The following VPS13D variants were observed in gnomAD, a reference collection of about 807,000 sequenced individuals.
The protein encoded by VPS13D is intermembrane lipid transfer protein VPS13D.
Under a neutral mutation model 461.9 loss-of-function variants are expected in VPS13D, and 187 were observed. That is an observed-to-expected ratio of 0.40 (90% CI 0.36 to 0.46). The LOEUF is 0.46. VPS13D is among the 20% of genes least tolerant of loss of function. VPS13D has a pLI of 0.60. For synonymous variants in VPS13D, 1,951 were observed against 1,986.3 expected (o/e 0.98, Z 0.47); for missense variants, 4,711 against 5,364.9 (o/e 0.88, Z 3.81).
intron 30 of VPS13D, among the ~76,000 whole-genome samples, chr1:12,314,664 C>CTT (rs901580499): frequency 6.6e-6 from 1 of 152,122 alleles, no homozygotes; most frequent in African/African-American, 2.4e-5. Context: ...AGTAAAAAGA[C>CTT]TTTTGGTCTT....
chr1:12,368,400 G>T, intron 52 of VPS13D, 68 bp from the exon 53 acceptor site: 2 of 1,517,566 alleles, frequency 1.3e-6, no homozygotes, highest in South Asian at 2.6e-5. Flanking sequence ...TCAGAAATAT[G>T]AGAAGTAAGT....
rs766446722 is a variant in VPS13D at position 12,258,011 on chromosome 1, G to T, written c.1018G>T (p.Asp340Tyr). 15 of 1,614,046 alleles carry T rather than the reference G, an allele frequency of 9.3e-6. No homozygotes were observed. The East Asian group carries it at 1.6e-4, about 17-fold the overall frequency. ...AGAGCAGAGGAAACGTTGCACCTGG[G>T]ACTTTATGTTGCACCGCGCTCGTGA... ...IREQRKRCTW[D>Y]FMLHRARDAV... is the part of the protein sequence containing the mutation. Residue 340 changes from aspartate to tyrosine, a missense_variant, in exon 10 of 70, where the codon GAC (aspartate) becomes TAC (tyrosine). Around this residue, in one of 3 missense-constraint regions of VPS13D, gnomAD observed 4,411 missense variants for 4,937.8 expected, o/e 0.89. Transcript: ENST00000620676.
chr1:12,241,580 C>T (rs949797676), intron 2 of VPS13D, among the ~76,000 whole-genome samples: 5 of 152,204 alleles, frequency 3.3e-5, no homozygotes, highest in Non-Finnish European at 5.9e-5. Flanking sequence ...GAATGGCTTG[C>T]ATAGCCGGGA....
chr1:12,367,371 C>T (rs2101623017), intron 52 of VPS13D, among the ~76,000 whole-genome samples: 1 of 152,244 alleles, frequency 6.6e-6, no homozygotes, highest in African/African-American at 2.4e-5. Flanking sequence ...AGTTGTTCTT[C>T]ACCTGGTTAA....
chr1:12,369,004 A>G (rs542582961), intron 53 of VPS13D, among the ~76,000 whole-genome samples: 6 of 152,282 alleles, frequency 3.9e-5, no homozygotes, highest in Middle Eastern at 3.4e-3. Context: ...AAATCATTAG[A>G]TTTTATTTTA....
intron 67 of VPS13D, among the ~76,000 whole-genome samples, chr1:12,471,835 G>A (rs1358682882): frequency 6.6e-6 from 1 of 151,720 alleles, no homozygotes; most frequent in East Asian, 1.9e-4. Flanking sequence ...TTTTCTATAT[G>A]CACATTCGTA....
At chr1:12,286,892 G>C (rs1641989910) in intron 21 of VPS13D, among the ~76,000 whole-genome samples, 1 of 152,110 alleles carries the variant, frequency 6.6e-6, no homozygotes, top group Admixed American at 6.6e-5. Context: ...ACAGGGTCTT[G>C]CCCTATCACC....
chr1:12,436,871 T>G (rs1026918883), intron 65 of VPS13D, among the ~76,000 whole-genome samples: 1 of 152,188 alleles, frequency 6.6e-6, no homozygotes, highest in Admixed American at 6.5e-5. Context: ...TTTCTCCATG[T>G]TGGTCAGGCT....
intron 37 of VPS13D, 82 bp from the exon 38 acceptor site, chr1:12,333,144 T>C: frequency 6.6e-7 from 1 of 1,506,678 alleles, no homozygotes; most frequent in South Asian, 1.3e-5. Context: ...GAGTTTGTCC[T>C]TGCTGAACAT....
At chr1:12,393,872 C>T (rs1453090464) in intron 60 of VPS13D, among the ~76,000 whole-genome samples, 2 of 152,106 alleles carry the variant, frequency 1.3e-5, no homozygotes, top group African/African-American at 4.8e-5. Flanking sequence ...TCTGGGGACC[C>T]ACTGGACCCA....
intron 62 of VPS13D, 121 bp from the exon 63 acceptor site, chr1:12,403,704 C>G (rs566804502): frequency 2.0e-5 from 19 of 928,998 alleles, no homozygotes; most frequent in Admixed American, 3.2e-5. Context: ...CAAACTAAAT[C>G]GAGAGTGATA....
intron 26 of VPS13D, among the ~76,000 whole-genome samples, chr1:12,304,985 G>A (rs1302680786): frequency 6.6e-6 from 1 of 152,134 alleles, no homozygotes; most frequent in African/African-American, 2.4e-5. Flanking sequence ...AGCCTATTAG[G>A]ACTTTTTTCT....
rs1381559228 is a variant in VPS13D, at chr1:12,273,019, G to C, written c.2120G>C (p.Trp707Ser). Residue 707 changes from tryptophan to serine, a missense_variant, in exon 18 of 70, where the codon TGG becomes TCG. By Grantham distance (177) the Trp-to-Ser change is radical. Transcript: ENST00000620676. ...TTTGTACAGGAGGAGAGTAAACGAT[G>C]GACCGTGCGGCTGGATATTTCTGCC... is the stretch of plus-strand genomic sequence containing the variant. ...VGDFIEESKR[W>S]TVRLDISAPQ... The C allele has an allele frequency of 6.2e-7, 1 of 1,613,960 alleles. No homozygotes were observed. The highest frequency in any genetic ancestry group is 2.2e-5 in the East Asian group (1 of 44,882).
Position 12,358,476 on chromosome 1 carries a change from G to A in VPS13D, c.10016G>A (p.Gly3339Glu). 6.2e-7 allele frequency: 1 copy of A among 1,614,178 alleles called. No homozygotes were observed. The highest frequency in any genetic ancestry group is 8.5e-7 in the Non-Finnish European group (1 of 1,180,038). The change falls in exon 50 of 70, where the codon GGA becomes GAA. Residue 3339 changes from glycine to glutamate, a missense_variant. Coordinates refer to ENST00000620676, the MANE Select transcript of VPS13D (RefSeq NM_015378.4). ...CCCCACAGCTGCACGATGAGAATCG[G>A]AAGGGGGATTCATCCAGAAGGCATG... is the stretch of plus-strand genomic sequence containing the variant. ...EQPNLCTMRI[G>E]RGIHPEGMPG... is the part of the protein sequence containing the mutation.
At chr1:12,259,758 A>G (rs1641045220) in intron 10 of VPS13D, among the ~76,000 whole-genome samples, 1 of 152,226 alleles carries the variant, frequency 6.6e-6, no homozygotes, top group Non-Finnish European at 1.5e-5. Context: ...CTTTTAAAAA[A>G]TGTAGCTGGG....
rs1325525231 is a variant in VPS13D at position 12,416,653 on chromosome 1, T to G, written c.12166-7T>G. Reference sequence around the variant, plus strand: ...TTGGACTTTTCTCTTCCTGTTCCATTTGGCAGGAACTCCTCAGCCAGGCAG... The same window carrying G: ...TTGGACTTTTCTCTTCCTGTTCCATGTGGCAGGAACTCCTCAGCCAGGCAG... On this transcript the variant is annotated splice_region_variant and splice_polypyrimidine_tract_variant and intron_variant, in intron 64 of 69. Transcript: ENST00000620676. 1 of 1,610,982 alleles carries G rather than the reference T, an allele frequency of 6.2e-7. No individual in the cohort carries two copies. Among genetic ancestry groups the G allele is most frequent in the East Asian group, 2.2e-5 (1 of 44,860 alleles).
intron 10 of VPS13D, 129 bp downstream of exon 10, chr1:12,258,232 GAGTTGGTCTT>G (rs1640982032): frequency 8.4e-7 from 1 of 1,195,470 alleles, no homozygotes; most frequent in Non-Finnish European, 1.2e-6. Context: ...TTATAGGATA[GAGTTGGTCTT>G]AGTAGAGTGA....
rs1323660817 is a variant in VPS13D at position 12,338,221 on chromosome 1, T to G, written c.8552-10T>G. 17 of 1,612,082 alleles carry G rather than the reference T, an allele frequency of 1.1e-5. No individual in the cohort carries two copies. The highest frequency in any genetic ancestry group is 1.4e-5 in the Non-Finnish European group (17 of 1,178,510). On this transcript the variant is annotated splice_polypyrimidine_tract_variant and intron_variant, in intron 39 of 69. Transcript: ENST00000620676. Reference sequence around the variant, plus strand: ...TCTTAGCCTCTAACTTTGTCTCTCCTGTCTACCAGGCCTCCCCCTTGTCTA... The same window carrying G: ...TCTTAGCCTCTAACTTTGTCTCTCCGGTCTACCAGGCCTCCCCCTTGTCTA...
Position 12,283,080 on chromosome 1 carries a change from C to T in VPS13D, c.4978C>T (p.Gln1660Ter). Residue 1660 changes from glutamine to a stop codon, truncating the protein, a stop_gained, in exon 21 of 70, where the codon CAG (glutamine) becomes TAG (stop). Coordinates refer to ENST00000620676, the MANE Select transcript of VPS13D (RefSeq NM_015378.4). LOFTEE classifies it high-confidence loss of function. ...GGTGGAATTCAGTAAAGACCATCCC[C>T]AGACTTTATCTATTCAGATTGCCCT... ...FEVEFSKDHP[Q>*]TLSIQIALHS... The T allele has an allele frequency of 6.2e-7, 1 of 1,614,186 alleles. No homozygotes were observed. Among genetic ancestry groups the T allele is most frequent in the Non-Finnish European group, 8.5e-7 (1 of 1,180,014 alleles).
Sources: gnomAD v4.1 joint callset for allele counts (sites outside exome capture counted in the v4.1 genomes callset) on GRCh38, gnomAD v4.1.1 for gene constraint, gnomAD v4.1.1 regional missense constraint, MANE v1.5 for transcripts, NCBI Gene and HGNC (gene_info 2026-07-23, HGNC 2026-07-21) for gene names.